Variants in TATDN1 observed in about 807,000 individuals in gnomAD.
TATDN1 encodes the protein deoxyribonuclease TATDN1.
Under a neutral mutation model 46.4 loss-of-function variants are expected in TATDN1, and 40 were observed. That is an observed-to-expected ratio of 0.86 (90% CI 0.67 to 1.12). TATDN1 has a LOEUF of 1.12. Among genes scored for constraint, TATDN1 ranks in the 50% most tolerant of loss-of-function variants. The pLI, the probability that TATDN1 is intolerant of heterozygous loss-of-function variation, is 0.00. For missense variants in TATDN1, 326 were observed against 348.4 expected, an observed-to-expected ratio of 0.94 and a Z score of 0.51; for synonymous variants, 95 against 105.6, an observed-to-expected ratio of 0.90 and a Z score of 0.62.
At chr8:124,535,588 CA>C (rs1324434069) in intron 1 of TATDN1, among the ~76,000 whole-genome samples, 2 of 152,118 alleles carry the variant, frequency 1.3e-5, no homozygotes, top group Non-Finnish European at 2.9e-5. Context: ...AAGCAGAGCA[CA>C]AAAGAGTAGC....
intron 10 of TATDN1, chr8:124,495,271 C>A: frequency 1.8e-6 from 1 of 566,876 alleles, no homozygotes; most frequent in Non-Finnish European, 3.1e-6. Flanking sequence ...ACATAGCAAA[C>A]TTCTAAATTG....
chr8:124,492,283 T>C (rs1817077615), intron 11 of TATDN1, among the ~76,000 whole-genome samples: 2 of 152,258 alleles, frequency 1.3e-5, no homozygotes, highest in South Asian at 4.1e-4. Flanking sequence ...CCAGCCTTTA[T>C]AGTTCTTAAA....
intron 11 of TATDN1, chr8:124,491,653 C>G (rs1340686702): frequency 6.6e-6 from 1 of 152,200 alleles, no homozygotes. Context: ...TGGATAAAGA[C>G]AGGGACTGTC....
At chr8:124,496,072 TC>T (rs747426483) in intron 9 of TATDN1, among the ~76,000 whole-genome samples, 3 of 152,242 alleles carry the variant, frequency 2.0e-5, no homozygotes, top group Non-Finnish European at 2.9e-5. Flanking sequence ...GACTCAAAGA[TC>T]CATGAATGCA....
chr8:124,521,411 T>A (rs1455522863), intron 3 of TATDN1, among the ~76,000 whole-genome samples: 3 of 152,172 alleles, frequency 2.0e-5, no homozygotes, highest in Non-Finnish European at 4.4e-5. Context: ...AAGCATTGTT[T>A]AAAGTGATTT....
chr8:124,493,374 T>C (rs1817188099), intron 11 of TATDN1, among the ~76,000 whole-genome samples: 1 of 152,230 alleles, frequency 6.6e-6, no homozygotes, highest in Non-Finnish European at 1.5e-5. Flanking sequence ...AGATGGGTAA[T>C]AGCCCCTCTT....
intron 6 of TATDN1, among the ~76,000 whole-genome samples, chr8:124,509,369 C>T (rs1208354210): frequency 1.3e-5 from 2 of 152,184 alleles, no homozygotes; most frequent in Non-Finnish European, 2.9e-5. Context: ...GCTCTAATTC[C>T]AAGTCCCAGC....
In TATDN1 at chr8:124,495,540, G is replaced by T; in HGVS notation, c.596C>A (p.Ser199Ter). The T allele has an allele frequency of 6.3e-7, 1 of 1,593,976 alleles. No homozygotes were observed. ...LDLYIGFNGC[S>*]LKTEANLEVL... ...TTCCAAATTAGCTTCAGTTTTCAGT[G>T]AGCTTAAAAAAAAGTGTATATTTAT... is the stretch of plus-strand genomic sequence containing the variant. The change falls in exon 10 of 12, where the codon TCA (serine) becomes TAA (stop). Residue 199 changes from serine (S) to a stop codon, truncating the protein, a stop_gained and splice_region_variant. Transcript: ENST00000276692. LOFTEE classifies it high-confidence loss of function.
intron 1 of TATDN1, among the ~76,000 whole-genome samples, chr8:124,532,440 C>T (rs899894393): frequency 2.6e-5 from 4 of 152,132 alleles, no homozygotes; most frequent in South Asian, 2.1e-4. Context: ...CATGCCACCA[C>T]GTCTGGCTAA....
intron 1 of TATDN1, among the ~76,000 whole-genome samples, chr8:124,525,302 C>T (rs1278077599): frequency 6.6e-6 from 1 of 152,110 alleles, no homozygotes. Context: ...CCCACCACCA[C>T]ACCCAGCTAA....
chr8:124,532,235 G>A (rs1821029975), intron 1 of TATDN1, among the ~76,000 whole-genome samples: 1 of 152,182 alleles, frequency 6.6e-6, no homozygotes, highest in South Asian at 2.1e-4. Flanking sequence ...TATGATAACG[G>A]CTAGGGCTCA....
chr8:124,514,589 T>C (rs549982456), intron 6 of TATDN1, among the ~76,000 whole-genome samples: 2 of 152,364 alleles, frequency 1.3e-5, no homozygotes, highest in Admixed American at 1.3e-4. Context: ...ATTTGTTCAA[T>C]GGATGAATAA....
At chr8:124,497,431 G>A (rs1316588325) in intron 9 of TATDN1, among the ~76,000 whole-genome samples, 2 of 151,894 alleles carry the variant, frequency 1.3e-5, no homozygotes, top group Non-Finnish European at 2.9e-5. Context: ...GACTACAGGT[G>A]CCTGCCACCA....
chr8:124,523,777 C>G (rs566398247), intron 1 of TATDN1, among the ~76,000 whole-genome samples: 5 of 152,184 alleles, frequency 3.3e-5, no homozygotes, highest in Admixed American at 3.3e-4. Context: ...GGTTCTGGAA[C>G]CAGTCTCCTG....
chr8:124,508,504 T>C lies in TATDN1; in HGVS notation c.486A>G (p.Lys162=). The C allele has an allele frequency of 6.2e-7, 1 of 1,613,296 alleles. No homozygotes were observed. Among genetic ancestry groups the C allele is most frequent in the Non-Finnish European group, 8.5e-7 (1 of 1,179,430 alleles). The part of the protein sequence containing the change: ...NSHAEFLDIM[K]RNRDRCVGGV... ...CCCCTACACACCGATCTCTATTTCT[T>C]TTCATTATGTCTGTGAATTAAAAAC... The change falls in exon 8 of 12, where the codon AAA becomes AAG. Residue 162 remains lysine, a synonymous_variant. Transcript: ENST00000276692.
intron 11 of TATDN1, chr8:124,491,285 C>T (rs1396889971): frequency 3.3e-5 from 5 of 152,258 alleles, no homozygotes; most frequent in African/African-American, 1.2e-4. Context: ...TCTACCTTCC[C>T]AGACTTGACT....
intron 6 of TATDN1, among the ~76,000 whole-genome samples, chr8:124,510,399 G>A (rs939913512): frequency 2.0e-5 from 3 of 152,164 alleles, no homozygotes; most frequent in African/African-American, 4.8e-5. Flanking sequence ...GCTCCACGCT[G>A]TACTGGTTAT....
intron 6 of TATDN1, among the ~76,000 whole-genome samples, chr8:124,513,515 T>C (rs755809907): frequency 2.0e-4 from 30 of 152,232 alleles, no homozygotes; most frequent in Admixed American, 2.0e-4. Context: ...TGAATGTAGT[T>C]TGAACCTCTC....
chr8:124,514,107 A>G (rs999808264), intron 6 of TATDN1, among the ~76,000 whole-genome samples: 7 of 152,188 alleles, frequency 4.6e-5, no homozygotes, highest in African/African-American at 1.7e-4. Context: ...TCCACAGAGC[A>G]TTACGTTAAC....
Sources: allele counts gnomAD v4.1 joint callset (sites outside exome capture counted in the v4.1 genomes callset), GRCh38; gene constraint gnomAD v4.1.1; transcripts MANE v1.5; gene names NCBI Gene and HGNC (gene_info 2026-07-23, HGNC 2026-07-21).